The following ANKRD11 variants were observed in gnomAD, a reference collection of about 807,000 sequenced individuals.
ANKRD11 encodes ankyrin repeat domain 11.
In ANKRD11, 17 loss-of-function variants were observed where a neutral mutation model predicts 195.7. That is an observed-to-expected ratio of 0.09 (90% CI 0.06 to 0.13). The LOEUF (loss-of-function observed/expected upper bound fraction) is 0.13, where lower values mean the gene tolerates loss of function less well. Ranked by LOEUF, ANKRD11 falls within the 10% of genes least tolerant of loss-of-function variation. The pLI, the probability that ANKRD11 is intolerant of heterozygous loss-of-function variation, is 1.00. For missense variants in ANKRD11, 3,735 were observed against 3,566.1 expected (o/e 1.05, Z -1.21); for synonymous variants, 1,953 against 1,528.1 (o/e 1.28, Z -6.49).
At chr16:89,276,533 T>G (rs980365449) in intron 9 of ANKRD11, among the ~76,000 whole-genome samples, 3 of 152,082 alleles carry the variant, frequency 2.0e-5, no homozygotes, top group Non-Finnish European at 4.4e-5. Flanking sequence ...CTAAGAAGCA[T>G]CATCGCAGGC....
At chr16:89,374,230 T>C (rs372672298) in intron 2 of ANKRD11, among the ~76,000 whole-genome samples, 11 of 152,304 alleles carry the variant, frequency 7.2e-5, no homozygotes, top group African/African-American at 2.6e-4. Context: ...AGTATTTTCA[T>C]AGAAATCAAT....
intron 7 of ANKRD11, chr16:89,287,799 C>T: frequency 4.8e-6 from 1 of 207,758 alleles, no homozygotes; most frequent in South Asian, 1.5e-4. Context: ...GGCCAAGGCA[C>T]TGTGGGCTCC....
At chr16:89,441,235 C>CA (rs879298779) in intron 1 of ANKRD11, among the ~76,000 whole-genome samples, 68 of 138,198 alleles carry the variant, frequency 4.9e-4, no homozygotes, top group East Asian at 8.5e-4. Flanking sequence ...GACTCCGTCT[C>CA]AAAAAAAAAA....
intron 1 of ANKRD11, among the ~76,000 whole-genome samples, chr16:89,424,821 C>T (rs978079992): frequency 1.3e-4 from 20 of 152,146 alleles, no homozygotes; most frequent in African/African-American, 2.2e-4. Context: ...CACCGCAACA[C>T]GGCAGGGACG....
chr16:89,471,646 G>A (rs566784678), intron 1 of ANKRD11, among the ~76,000 whole-genome samples: 50 of 151,900 alleles, frequency 3.3e-4, no homozygotes, highest in African/African-American at 1.1e-3. Flanking sequence ...TTATCCGGGC[G>A]TGGTGGCGGA....
Position 89,463,638 on chromosome 16 carries a change from C to T in ANKRD11, c.-145+26607G>A, listed in dbSNP as rs541593888. On this transcript the variant is annotated intron_variant, in intron 1 of 12. Transcript: ENST00000301030. ...TGTCCTATGACCCTGCCAAATCCCC[C>T]TCTATGAGAAACACCCAAGAATTAT... Among the ~76,000 whole-genome samples the T allele has an allele frequency of 7.9e-5, 12 of 151,766 alleles. No individual in the cohort carries two copies. The South Asian group carries it at 1.9e-3, about 24-fold the overall frequency.
chr16:89,360,618 C>T (rs2039687787), intron 2 of ANKRD11: 1 of 152,172 alleles, frequency 6.6e-6, no homozygotes, highest in African/African-American at 2.4e-5. Context: ...TTCTAGAAGC[C>T]AGTGCACCTG....
At chr16:89,296,297 C>A (rs1213745225) in intron 4 of ANKRD11, among the ~76,000 whole-genome samples, 3 of 152,126 alleles carry the variant, frequency 2.0e-5, no homozygotes, top group Non-Finnish European at 4.4e-5. Flanking sequence ...AAGCCCTCTG[C>A]TGCCGGCCTC....
At chr16:89,474,483 G>T (rs936623962) in intron 1 of ANKRD11, among the ~76,000 whole-genome samples, 2 of 150,608 alleles carry the variant, frequency 1.3e-5, no homozygotes, top group African/African-American at 4.9e-5. Context: ...AAAAATTTAA[G>T]ACCAGAAATA....
chr16:89,312,897 C>T (rs2036689712), intron 3 of ANKRD11, among the ~76,000 whole-genome samples: 1 of 152,298 alleles, frequency 6.6e-6, no homozygotes, highest in East Asian at 1.9e-4. Flanking sequence ...CTCCCAGCTC[C>T]CCACCTGCAG....
At chr16:89,423,975 G>A (rs1263659497) in intron 1 of ANKRD11, among the ~76,000 whole-genome samples, 3 of 152,064 alleles carry the variant, frequency 2.0e-5, no homozygotes, top group African/African-American at 7.2e-5. Flanking sequence ...AGCGGGTAAG[G>A]GGACGGCGTA....
intron 2 of ANKRD11, among the ~76,000 whole-genome samples, chr16:89,407,361 A>G (rs780627978): frequency 2.0e-5 from 3 of 152,188 alleles, no homozygotes; most frequent in Non-Finnish European, 4.4e-5. Context: ...CCAGAGGTTT[A>G]AAGAAAGAGA....
At chr16:89,462,063 T>TCTCCCC (rs1360979563) in intron 1 of ANKRD11, among the ~76,000 whole-genome samples, 13 of 30,252 alleles carry the variant, frequency 4.3e-4, no homozygotes, top group Admixed American at 1.6e-3. Context: ...TCCCTCTCCC[T>TCTCCCC]CTCTCCCTCT....
At chr16:89,402,172 C>T (rs528248029) in intron 2 of ANKRD11, among the ~76,000 whole-genome samples, 5 of 152,274 alleles carry the variant, frequency 3.3e-5, no homozygotes, top group East Asian at 1.9e-4. Flanking sequence ...GTAAGGAGGA[C>T]GACCTACAGT....
At chr16:89,273,044 CAAAAAAAAAA>C (rs56277527) in intron 11 of ANKRD11, 1 of 96,020 alleles carries the variant, frequency 1.0e-5, no homozygotes, top group Non-Finnish European at 1.9e-5. Flanking sequence ...TAATGGGTAC[CAAAAAAAAAA>C]AAAAAAAAAA....
chr16:89,484,415 T>G (rs1183328418), intron 1 of ANKRD11, among the ~76,000 whole-genome samples: 9 of 152,214 alleles, frequency 5.9e-5, no homozygotes, highest in Admixed American at 5.9e-4. Context: ...AACCAAAGTC[T>G]TCTTTGATTG....
chr16:89,387,766 G>A (rs1035512075), intron 2 of ANKRD11, among the ~76,000 whole-genome samples: 122 of 151,614 alleles, frequency 8.0e-4, no homozygotes, highest in African/African-American at 2.8e-3. Context: ...ACTTTGGGAG[G>A]CTGAGGCAGG....
intron 3 of ANKRD11, chr16:89,313,392 C>T (rs757490936): frequency 1.2e-4 from 151 of 1,286,164 alleles, no homozygotes; most frequent in African/African-American, 3.0e-4. Flanking sequence ...TCTGGGATTC[C>T]GTGGTCGGCA....
chr16:89,296,255 A>G (rs2035429497), intron 4 of ANKRD11, among the ~76,000 whole-genome samples: 2 of 151,740 alleles, frequency 1.3e-5, no homozygotes, highest in Admixed American at 1.3e-4. Context: ...ATACTTTTTG[A>G]ATTTGAGGCT....
Sources: allele counts gnomAD v4.1 joint callset (sites outside exome capture counted in the v4.1 genomes callset), GRCh38; gene constraint gnomAD v4.1.1; transcripts MANE v1.5; gene names NCBI Gene and HGNC (gene_info 2026-07-23, HGNC 2026-07-21).